CADPS: variants seen among roughly 807,000 people sequenced by gnomAD.
The protein encoded by CADPS is calcium-dependent secretion activator 1.
Under a neutral mutation model 167.3 loss-of-function variants are expected in CADPS, and 57 were observed. That is an observed-to-expected ratio of 0.34 (90% confidence interval 0.28 to 0.42). CADPS has a LOEUF of 0.42. Among genes scored for constraint, CADPS ranks in the 20% least tolerant of loss-of-function variants. CADPS has a pLI of 1.00. For missense variants in CADPS, 1,414 were observed against 1,738.1 expected (o/e 0.81, Z 3.32); for synonymous variants, 676 against 635.3 (o/e 1.06, Z -0.96).
chr3:62,727,202 T>G (rs2076905002), intron 3 of CADPS, among the ~76,000 whole-genome samples: 1 of 151,750 alleles, frequency 6.6e-6, no homozygotes, highest in African/African-American at 2.4e-5. Context: ...CAGAACAACT[T>G]TATTCATAGT....
chr3:62,409,638 C>T (rs986900547), intron 28 of CADPS, among the ~76,000 whole-genome samples: 1 of 152,198 alleles, frequency 6.6e-6, no homozygotes, highest in Non-Finnish European at 1.5e-5. Context: ...ATCCTACCTC[C>T]TCTTCTATTT....
chr3:62,507,156 G>C (rs1188339163), intron 17 of CADPS, among the ~76,000 whole-genome samples: 1 of 152,100 alleles, frequency 6.6e-6, no homozygotes, highest in African/African-American at 2.4e-5. Context: ...GTCTTGGGCG[G>C]GAGCTTGGAG....
chr3:62,492,484 G>A (rs780279680), intron 19 of CADPS, 38 bp from the exon 20 acceptor site: 2 of 1,586,798 alleles, frequency 1.3e-6, no homozygotes, highest in East Asian at 4.5e-5. Context: ...ACAAAGAAGT[G>A]ATGAGCTTCT....
intron 2 of CADPS, among the ~76,000 whole-genome samples, chr3:62,763,480 G>A (rs937874675): frequency 1.3e-5 from 2 of 152,194 alleles, no homozygotes; most frequent in Admixed American, 1.3e-4. Context: ...TAAGTTAATT[G>A]AGGAAATAAA....
chr3:62,873,884 G>A (rs1020297393), intron 1 of CADPS, among the ~76,000 whole-genome samples: 2 of 152,140 alleles, frequency 1.3e-5, no homozygotes, highest in Admixed American at 6.5e-5. Flanking sequence ...CCTGCTCTGG[G>A]GTCAGTGAGG....
chr3:62,520,226 T>C (rs544171682), intron 13 of CADPS, among the ~76,000 whole-genome samples: 22 of 152,340 alleles, frequency 1.4e-4, no homozygotes, highest in Admixed American at 1.2e-3. Context: ...CATTCATTCA[T>C]TACCCTACAA....
chr3:62,751,306 G>T (rs1001874130), intron 3 of CADPS, among the ~76,000 whole-genome samples: 1 of 152,238 alleles, frequency 6.6e-6, no homozygotes, highest in Non-Finnish European at 1.5e-5. Context: ...ATTTTTGTAT[G>T]TATAAATTAC....
intron 24 of CADPS, among the ~76,000 whole-genome samples, chr3:62,471,584 G>A (rs2150531384): frequency 6.6e-6 from 1 of 152,184 alleles, no homozygotes; most frequent in East Asian, 1.9e-4. Flanking sequence ...TTAACCATCT[G>A]ACCAGGTATG....
At chr3:62,411,075 C>G (rs1414935921) in intron 28 of CADPS, among the ~76,000 whole-genome samples, 1 of 152,100 alleles carries the variant, frequency 6.6e-6, no homozygotes, top group Non-Finnish European at 1.5e-5. Flanking sequence ...TGTACTCCAG[C>G]CTGGGGAACA....
chr3:62,746,222 A>ATAG (rs1316930936), intron 3 of CADPS, among the ~76,000 whole-genome samples: 1 of 152,180 alleles, frequency 6.6e-6, no homozygotes, highest in African/African-American at 2.4e-5. Flanking sequence ...CTTCTAATCA[A>ATAG]TAGTATATGA....
chr3:62,842,741 C>T (rs778159019), intron 1 of CADPS, among the ~76,000 whole-genome samples: 3 of 152,142 alleles, frequency 2.0e-5, no homozygotes, highest in African/African-American at 4.8e-5. Context: ...AGCCAGAATC[C>T]GGGCTTTATG....
chr3:62,834,884 A>G (rs115845081), intron 1 of CADPS, among the ~76,000 whole-genome samples: 3,484 of 152,272 alleles, frequency 0.023, 59 homozygotes, highest in South Asian at 0.054. Flanking sequence ...TGTTCTCCCA[A>G]TTACAATTCT....
At chr3:62,765,787 G>A (rs1368791211) in intron 2 of CADPS, 84 bp downstream of exon 2, 2 of 769,702 alleles carry the variant, frequency 2.6e-6, no homozygotes, top group South Asian at 1.9e-5. Context: ...AAACCAAAAC[G>A]ACTGTCCCCA....
rs564597610 is a variant in CADPS at position 62,584,251 on chromosome 3, C to A, written c.1577+934G>T. 1.5e-4 allele frequency among the ~76,000 whole-genome samples: 23 copies of A among 152,284 alleles called. No homozygotes were observed. The East Asian group carries it at 4.4e-3, about 29-fold the overall frequency. ...CAAACTCCTGACCTCAGGTGATCCT[C>A]CCGTCTCGGCCTCCCAAAGTGCTGG... On this transcript the variant is annotated intron_variant, in intron 8 of 29. Transcript: ENST00000383710.
At chr3:62,524,854 C>G (rs2071664848) in intron 13 of CADPS, among the ~76,000 whole-genome samples, 1 of 152,064 alleles carries the variant, frequency 6.6e-6, no homozygotes. Context: ...CCCAAGAGGA[C>G]CAATTTTAAA....
rs1705003776 is a variant in CADPS at position 62,399,151 on chromosome 3, T to C, written c.*255A>G. The C allele has an allele frequency of 4.9e-6, 2 of 410,448 alleles. No individual in the cohort carries two copies. Among genetic ancestry groups the C allele is most frequent in the Non-Finnish European group, 9.0e-6 (2 of 223,296 alleles). The allele number at this position is 410,448 out of a possible 1,614,324, so 25.4% of individuals were successfully genotyped here. On this transcript the variant is annotated 3_prime_UTR_variant, in exon 30 of 30. Coordinates refer to ENST00000383710, the MANE Select transcript of CADPS (RefSeq NM_003716.4). The surrounding 1 kb of genome is among the most constrained non-coding windows in gnomAD (Gnocchi z 5.6). Reference sequence around the variant, plus strand: ...AGGGACACGCCTAGTGGTTAGACTATGTATTCTCCATGAACAGTATTTAAA... The same window carrying C: ...AGGGACACGCCTAGTGGTTAGACTACGTATTCTCCATGAACAGTATTTAAA...
Position 62,427,536 on chromosome 3 carries a change from A to G in CADPS, c.3777+10568T>C, listed in dbSNP as rs1185313491. On this transcript the variant is annotated intron_variant, in intron 28 of 29. Transcript: ENST00000383710. ...CTGTCCTGTGCACTACAGGAGGTTC[A>G]GCACTGGCCTCTGCTTGCTAGATGC... Among the ~76,000 whole-genome samples the G allele has an allele frequency of 2.6e-5, 4 of 152,148 alleles. No individual in the cohort carries two copies. The East Asian group carries it at 7.7e-4, about 29-fold the overall frequency.
intron 3 of CADPS, among the ~76,000 whole-genome samples, chr3:62,706,894 A>G (rs2082408487): frequency 6.6e-6 from 1 of 152,094 alleles, no homozygotes; most frequent in Non-Finnish European, 1.5e-5. Context: ...AATGGGTACA[A>G]TGTACACCAC....
At chr3:62,442,044 C>G (rs909907556) in intron 27 of CADPS, among the ~76,000 whole-genome samples, 3 of 151,706 alleles carry the variant, frequency 2.0e-5, no homozygotes, top group African/African-American at 7.3e-5. Flanking sequence ...AAAACAAAAA[C>G]AATTATGTGC....
Sources: allele counts gnomAD v4.1 joint callset (sites outside exome capture counted in the v4.1 genomes callset), GRCh38; gene constraint gnomAD v4.1.1; non-coding constraint Gnocchi (gnomAD v3.1); transcripts MANE v1.5; gene names NCBI Gene and HGNC (gene_info 2026-07-23, HGNC 2026-07-21).